ITCH: variants seen among roughly 807,000 people sequenced by gnomAD.
ITCH encodes the protein E3 ubiquitin-protein ligase Itchy homolog.
ITCH carries 28 observed loss-of-function variants against 126.8 expected under a neutral mutation model. The ratio of observed to expected loss-of-function variants is 0.22; its 90% CI spans 0.16 to 0.30. ITCH has a LOEUF of 0.30. Ranked by LOEUF, ITCH falls within the 10% of genes least tolerant of loss-of-function variation. ITCH has a pLI of 1.00. For missense variants in ITCH, 631 were observed against 1,032.4 expected (o/e 0.61, Z 5.33); for synonymous variants, 342 against 340.0 (o/e 1.01, Z -0.06).
chr20:34,413,146 A>G (rs1013144197), intron 5 of ITCH, among the ~76,000 whole-genome samples: 1 of 152,102 alleles, frequency 6.6e-6, no homozygotes, highest in African/African-American at 2.4e-5. Flanking sequence ...CAGCCTCCTG[A>G]TATATCTGGG....
intron 16 of ITCH, among the ~76,000 whole-genome samples, chr20:34,475,036 G>T (rs975772753): frequency 2.7e-5 from 4 of 150,768 alleles, no homozygotes; most frequent in African/African-American, 9.8e-5. Flanking sequence ...GGGCAGAGGC[G>T]CTCCCCACAT....
chr20:34,446,470 A>C (rs1984483896), intron 11 of ITCH, among the ~76,000 whole-genome samples: 1 of 152,156 alleles, frequency 6.6e-6, no homozygotes, highest in South Asian at 2.1e-4. Context: ...CACCTTTATC[A>C]GCAGCCTTCC....
intron 2 of ITCH, among the ~76,000 whole-genome samples, chr20:34,375,447 G>C (rs2037800893): frequency 6.7e-6 from 1 of 148,280 alleles, no homozygotes; most frequent in South Asian, 2.1e-4. Context: ...TTTAAAACAT[G>C]TTATGGGCTG....
At chr20:34,431,311 G>A (rs1982261140) in intron 7 of ITCH, among the ~76,000 whole-genome samples, 3 of 152,146 alleles carry the variant, frequency 2.0e-5, no homozygotes, top group Admixed American at 2.0e-4. Context: ...TACTCAGGAG[G>A]CTAAGGCGGG....
intron 18 of ITCH, 98 bp downstream of exon 18, chr20:34,479,887 G>T: frequency 8.9e-7 from 1 of 1,124,814 alleles, no homozygotes; most frequent in Admixed American, 1.8e-5. Flanking sequence ...AAGGGAAGTG[G>T]TTTTTTGTTT....
At chr20:34,495,294 A>T (rs796570838) in intron 23 of ITCH, among the ~76,000 whole-genome samples, 37,001 of 118,704 alleles carry the variant, frequency 0.31, 5,772 homozygotes, top group Non-Finnish European at 0.37. Flanking sequence ...AAATAAATAA[A>T]ATATATATAT....
At chr20:34,476,971 A>G (rs775301564) in intron 16 of ITCH, among the ~76,000 whole-genome samples, 1 of 152,210 alleles carries the variant, frequency 6.6e-6, no homozygotes, top group African/African-American at 2.4e-5. Context: ...TTAACCACCT[A>G]TAGTGGGACA....
At chr20:34,364,119 G>C (rs2037314618) in intron 1 of ITCH, among the ~76,000 whole-genome samples, 1 of 152,178 alleles carries the variant, frequency 6.6e-6, no homozygotes, top group South Asian at 2.1e-4. Flanking sequence ...GTTCCCGTCC[G>C]CGACAGAAAA....
intron 7 of ITCH, among the ~76,000 whole-genome samples, chr20:34,435,420 T>G (rs920834844): frequency 2.0e-5 from 3 of 152,164 alleles, no homozygotes; most frequent in Admixed American, 6.6e-5. Context: ...CTGTCCACCT[T>G]GGCCTCCTTA....
At chr20:34,412,726 G>C in intron 5 of ITCH, 87 bp downstream of exon 5, 1 of 1,118,360 alleles carries the variant, frequency 8.9e-7, no homozygotes, top group South Asian at 1.3e-5. Context: ...AATGACTCAT[G>C]TTCTCTCATA....
intron 6 of ITCH, among the ~76,000 whole-genome samples, chr20:34,418,443 C>T (rs946541946): frequency 6.6e-6 from 1 of 151,924 alleles, no homozygotes; most frequent in African/African-American, 2.4e-5. Context: ...TTATGTTAGG[C>T]TCTAGTTTTT....
intron 4 of ITCH, among the ~76,000 whole-genome samples, chr20:34,412,217 C>T (rs1331804472): frequency 1.3e-5 from 2 of 152,196 alleles, no homozygotes; most frequent in Non-Finnish European, 2.9e-5. Context: ...TTCTGTACTA[C>T]TAAAGTAAAA....
chr20:34,489,533 A>T, intron 21 of ITCH, 147 bp downstream of exon 21: 1 of 797,946 alleles, frequency 1.3e-6, no homozygotes, highest in Non-Finnish European at 2.1e-6. Context: ...ATGGTTAAAG[A>T]AAATCATAAT....
chr20:34,425,837 AC>A (rs1343136350), intron 7 of ITCH, among the ~76,000 whole-genome samples: 2 of 152,316 alleles, frequency 1.3e-5, no homozygotes, highest in African/African-American at 4.8e-5. Flanking sequence ...GAAATCAGAG[AC>A]CAGCGCTGGT....
chr20:34,383,705 T>C lies in ITCH; in HGVS notation c.-21-10086T>C, dbSNP rs957827793. Among the ~76,000 whole-genome samples, 4 of 151,862 alleles carry C rather than the reference T, an allele frequency of 2.6e-5. 1 individual carries two copies. In the East Asian group the frequency reaches 5.8e-4, roughly 22 times the overall value. On this transcript the variant is annotated intron_variant, in intron 2 of 24. Coordinates refer to ENST00000374864, the MANE Select transcript of ITCH (RefSeq NM_031483.7). ...TATGTGTGTATTTATTATTATTTTT[T>C]TTAATAGAAATGGGGTTTCACTGGG... is the stretch of plus-strand genomic sequence containing the variant.
chr20:34,498,409 A>AT (rs1990026852), intron 23 of ITCH, among the ~76,000 whole-genome samples: 1 of 152,144 alleles, frequency 6.6e-6, no homozygotes, highest in South Asian at 2.1e-4. Flanking sequence ...GTCTTGTTCC[A>AT]TATCTTGGAG....
intron 2 of ITCH, among the ~76,000 whole-genome samples, chr20:34,373,563 C>T (rs748895995): frequency 6.6e-6 from 1 of 152,046 alleles, no homozygotes; most frequent in Non-Finnish European, 1.5e-5. Context: ...GGCATTCGGC[C>T]TAACATAATT....
chr20:34,448,018 T>C (rs1984677774), intron 11 of ITCH, among the ~76,000 whole-genome samples: 1 of 152,196 alleles, frequency 6.6e-6, no homozygotes, highest in South Asian at 2.1e-4. Context: ...CAATCATGCA[T>C]TTAATTACAG....
chr20:34,380,725 A>G (rs1326052559), intron 2 of ITCH, among the ~76,000 whole-genome samples: 2 of 146,880 alleles, frequency 1.4e-5, no homozygotes, highest in Non-Finnish European at 3.0e-5. Flanking sequence ...TGCTATGATT[A>G]CAGGCATGAG....
Sources: gnomAD v4.1 joint callset for allele counts (sites outside exome capture counted in the v4.1 genomes callset) on GRCh38, gnomAD v4.1.1 for gene constraint, MANE v1.5 for transcripts, NCBI Gene and HGNC (gene_info 2026-07-23, HGNC 2026-07-21) for gene names.